RARB: variants seen among roughly 807,000 people sequenced by gnomAD.
The protein encoded by RARB is HBV-activated protein.
Under a neutral mutation model 51.9 loss-of-function variants are expected in RARB, and 17 were observed. That is an observed-to-expected ratio of 0.33 (90% confidence interval 0.22 to 0.49). The LOEUF (loss-of-function observed/expected upper bound fraction) is 0.49. Among genes scored for constraint, RARB ranks in the 20% least tolerant of loss-of-function variants. The pLI is 0.99. For missense variants in RARB, 369 were observed against 550.8 expected (o/e 0.67, Z 3.30); for synonymous variants, 215 against 195.4 (o/e 1.10, Z -0.84).
chr3:25,468,631 G>C (rs1695551034), intron 2 of RARB, among the ~76,000 whole-genome samples: 1 of 151,916 alleles, frequency 6.6e-6, no homozygotes, highest in Non-Finnish European at 1.5e-5. Context: ...TCTAGAGTGG[G>C]GGTTTCATAG....
In RARB at chr3:24,938,168, A is replaced by G. The variant is rs769246790; in HGVS notation, c.-380+79416A>G. Among the ~76,000 whole-genome samples, 81 of 152,182 alleles carry G rather than the reference A, an allele frequency of 5.3e-4. 2 individuals are homozygous for G. The highest frequency in any genetic ancestry group is 3.9e-4 in the Admixed American group (6 of 15,274). ...ATGGTAAGATGAAAGAAGGGAGTGT[A>G]AGGTAAGGTAGCCTTTCAGGTGTTA... On this transcript the variant is annotated intron_variant, in intron 2 of 11. Coordinates refer to the RARB transcript ENST00000383772.
At chr3:25,115,817 G>A (rs1335624061) in intron 3 of RARB, among the ~76,000 whole-genome samples, 4 of 151,846 alleles carry the variant, frequency 2.6e-5, no homozygotes, top group African/African-American at 9.7e-5. Context: ...TTTTTGTAGA[G>A]GTACAGTCTT....
intron 5 of RARB, among the ~76,000 whole-genome samples, chr3:25,236,712 G>A (rs1387803787): frequency 2.6e-5 from 4 of 152,018 alleles, no homozygotes; most frequent in Non-Finnish European, 5.9e-5. Context: ...TATGTCTGCT[G>A]CTGTTTATTT....
chr3:24,986,624 T>C (rs1280446719), intron 2 of RARB, among the ~76,000 whole-genome samples: 1 of 152,252 alleles, frequency 6.6e-6, no homozygotes, highest in Admixed American at 6.5e-5. Flanking sequence ...TATTTTTTGT[T>C]CTAATTGATT....
intron 3 of RARB, among the ~76,000 whole-genome samples, chr3:25,567,418 G>C (rs57862338): frequency 2.9e-4 from 44 of 152,140 alleles, no homozygotes; most frequent in African/African-American, 9.9e-4. Context: ...GGCCTTTTGC[G>C]ACTGGCTTCT....
At chr3:24,861,740 A>C (rs1381674252) in intron 2 of RARB, among the ~76,000 whole-genome samples, 1 of 152,192 alleles carries the variant, frequency 6.6e-6, no homozygotes, top group Non-Finnish European at 1.5e-5. Context: ...TTCAAGCTGC[A>C]GTGATATCAC....
intron 2 of RARB, among the ~76,000 whole-genome samples, chr3:24,940,650 G>T (rs1225872991): frequency 6.6e-6 from 1 of 152,066 alleles, no homozygotes; most frequent in Non-Finnish European, 1.5e-5. Context: ...GTCCATGTGT[G>T]TTCTTAGAAT....
chr3:25,018,295 T>A (rs1262105602), intron 2 of RARB, among the ~76,000 whole-genome samples: 1 of 152,120 alleles, frequency 6.6e-6, no homozygotes, highest in African/African-American at 2.4e-5. Flanking sequence ...GGCAGGTAGA[T>A]GTATTGTTTT....
At chr3:25,189,532 C>T (rs910554784) in intron 5 of RARB, among the ~76,000 whole-genome samples, 1 of 152,184 alleles carries the variant, frequency 6.6e-6, no homozygotes, top group East Asian at 1.9e-4. Context: ...CTCCAACAGA[C>T]AACAGGTGAT....
chr3:25,474,044 G>A (rs938266463), intron 2 of RARB, among the ~76,000 whole-genome samples: 5 of 152,126 alleles, frequency 3.3e-5, no homozygotes, highest in African/African-American at 1.2e-4. Flanking sequence ...CAGCGATGGG[G>A]AGAATACCAT....
At chr3:24,938,230 A>G (rs945398769) in intron 2 of RARB, among the ~76,000 whole-genome samples, 20 of 152,168 alleles carry the variant, frequency 1.3e-4, no homozygotes, top group African/African-American at 4.6e-4. Context: ...TTATATGTCA[A>G]AATCAATTGA....
chr3:25,516,202 A>G (rs1171737927), intron 3 of RARB, among the ~76,000 whole-genome samples: 1 of 152,228 alleles, frequency 6.6e-6, no homozygotes, highest in Non-Finnish European at 1.5e-5. Context: ...TATGCACTCC[A>G]AATTAACAGG....
chr3:25,572,022 C>T (rs754361456), intron 4 of RARB, among the ~76,000 whole-genome samples: 1 of 152,168 alleles, frequency 6.6e-6, no homozygotes, highest in Non-Finnish European at 1.5e-5. Context: ...TTACTAATTG[C>T]CAACCATTCA....
intron 5 of RARB, among the ~76,000 whole-genome samples, chr3:25,249,246 G>C (rs1015534875): frequency 6.6e-6 from 1 of 151,820 alleles, no homozygotes; most frequent in Non-Finnish European, 1.5e-5. Flanking sequence ...ATTTTGTATG[G>C]CATTTGGTGA....
chr3:25,000,532 TAA>T (rs1178613492), intron 2 of RARB, among the ~76,000 whole-genome samples: 1 of 152,182 alleles, frequency 6.6e-6, no homozygotes, highest in East Asian at 1.9e-4. Context: ...GGCTGATTTT[TAA>T]AATCATATTA....
chr3:25,241,686 G>A (rs780661433), intron 5 of RARB, among the ~76,000 whole-genome samples: 1 of 152,096 alleles, frequency 6.6e-6, no homozygotes, highest in Non-Finnish European at 1.5e-5. Flanking sequence ...TGGTTTATAT[G>A]TGCCACATTT....
chr3:25,157,325 G>C (rs181988261), intron 4 of RARB, among the ~76,000 whole-genome samples: 4 of 149,256 alleles, frequency 2.7e-5, no homozygotes, highest in African/African-American at 1.0e-4. Context: ...TCCTTAGTGC[G>C]AGGCACAGTT....
At chr3:25,160,527 G>A (rs886955101) in intron 4 of RARB, among the ~76,000 whole-genome samples, 1 of 152,112 alleles carries the variant, frequency 6.6e-6, no homozygotes, top group East Asian at 1.9e-4. Flanking sequence ...CACTATGTGT[G>A]AAAAACAACA....
chr3:24,971,371 A>G (rs746924494), intron 2 of RARB, among the ~76,000 whole-genome samples: 2 of 152,008 alleles, frequency 1.3e-5, no homozygotes, highest in African/African-American at 2.4e-5. Flanking sequence ...GAGAAACAAA[A>G]TCATGTATGT....
Sources: allele counts gnomAD v4.1 joint callset (sites outside exome capture counted in the v4.1 genomes callset), GRCh38; gene constraint gnomAD v4.1.1; transcripts MANE v1.5; gene names NCBI Gene and HGNC (gene_info 2026-07-23, HGNC 2026-07-21).